Variants in CDH12 observed in about 807,000 individuals in gnomAD.
CDH12 encodes cadherin 12, also known as cadherin-12.
Under a neutral mutation model 74.1 loss-of-function variants are expected in CDH12, and 41 were observed. That is an observed-to-expected ratio of 0.55 (90% CI 0.43 to 0.72). The LOEUF is 0.72. CDH12 is among the 30% of genes least tolerant of loss of function. The pLI is 0.00. For synonymous variants in CDH12, 399 were observed against 355.0 expected, an observed-to-expected ratio of 1.12 and a Z score of -1.39; for missense variants, 945 against 977.2, an observed-to-expected ratio of 0.97 and a Z score of 0.44.
At chr5:22,451,789 T>C (rs1051281591) in intron 2 of CDH12, among the ~76,000 whole-genome samples, 3 of 151,968 alleles carry the variant, frequency 2.0e-5, no homozygotes, top group African/African-American at 7.2e-5. Flanking sequence ...TGTTGGCAGA[T>C]GGCATTATCT....
At chr5:22,536,431 G>A (rs1419674991) in intron 1 of CDH12, among the ~76,000 whole-genome samples, 1 of 152,076 alleles carries the variant, frequency 6.6e-6, no homozygotes, top group African/African-American at 2.4e-5. Context: ...TTGTGGTCGT[G>A]GTGGTGGTGA....
At chr5:22,013,760 A>G (rs1737433301) in intron 5 of CDH12, among the ~76,000 whole-genome samples, 1 of 152,200 alleles carries the variant, frequency 6.6e-6, no homozygotes, top group African/African-American at 2.4e-5. Flanking sequence ...ATTGATTTAG[A>G]TATAAATGAC....
intron 3 of CDH12, among the ~76,000 whole-genome samples, chr5:22,377,286 T>C (rs1741569415): frequency 6.6e-6 from 1 of 152,194 alleles, no homozygotes; most frequent in South Asian, 2.1e-4. Context: ...GTGTACGTAT[T>C]GGTTCAAGAA....
At chr5:22,735,924 A>G (rs569567132) in intron 1 of CDH12, among the ~76,000 whole-genome samples, 1 of 152,034 alleles carries the variant, frequency 6.6e-6, no homozygotes, top group East Asian at 1.9e-4. Context: ...GATTAATAAC[A>G]GAAGCACTAG....
intron 12 of CDH12, among the ~76,000 whole-genome samples, chr5:21,764,091 G>A (rs1744870687): frequency 6.6e-6 from 1 of 151,170 alleles, no homozygotes; most frequent in Admixed American, 6.6e-5. Context: ...TTTGTGTGTG[G>A]GGGCTGGGTG....
intron 6 of CDH12, among the ~76,000 whole-genome samples, chr5:21,931,291 T>C (rs1754823852): frequency 6.6e-6 from 1 of 152,112 alleles, no homozygotes; most frequent in African/African-American, 2.4e-5. Flanking sequence ...AAATAGAACA[T>C]TTCCTCACAC....
chr5:22,136,051 C>A (rs904008533), intron 4 of CDH12, among the ~76,000 whole-genome samples: 1 of 151,998 alleles, frequency 6.6e-6, no homozygotes, highest in African/African-American at 2.4e-5. Context: ...AGAAGAAAAT[C>A]TGACCCTGAA....
At chr5:22,199,506 G>A (rs1383603785) in intron 4 of CDH12, among the ~76,000 whole-genome samples, 1 of 152,150 alleles carries the variant, frequency 6.6e-6, no homozygotes, top group Non-Finnish European at 1.5e-5. Context: ...AAATTTTTGT[G>A]TTAACTGTTT....
intron 1 of CDH12, among the ~76,000 whole-genome samples, chr5:22,512,939 G>A (rs974822575): frequency 1.3e-5 from 2 of 151,962 alleles, no homozygotes; most frequent in Non-Finnish European, 2.9e-5. Flanking sequence ...GGCAGGTGCC[G>A]GTAACCCAGG....
At chr5:22,197,044 C>G (rs1303541710) in intron 4 of CDH12, among the ~76,000 whole-genome samples, 3 of 152,096 alleles carry the variant, frequency 2.0e-5, no homozygotes, top group Non-Finnish European at 2.9e-5. Context: ...ACTTCTACCC[C>G]TGAACTTAAA....
At chr5:22,668,276 T>A (rs1483396753) in intron 1 of CDH12, among the ~76,000 whole-genome samples, 2 of 152,186 alleles carry the variant, frequency 1.3e-5, no homozygotes, top group Non-Finnish European at 1.5e-5. Flanking sequence ...ATGGGTACAC[T>A]AGAAGCCCAA....
rs560590782 is a variant in CDH12, at chr5:22,705,271, T to G, written c.-523+147787A>C. Among the ~76,000 whole-genome samples, 22 of 151,952 alleles carry G rather than the reference T, an allele frequency of 1.4e-4. No individual in the cohort carries two copies. The South Asian group carries it at 2.5e-3, about 17-fold the overall frequency. ...TGAGATGCAGAGAGCTTACATTTCC[T>G]TGCTCAGGACTACAGAGTCAATGAA... On this transcript the variant is annotated intron_variant, in intron 1 of 14. Coordinates refer to ENST00000382254, the MANE Select transcript of CDH12 (RefSeq NM_004061.5).
intron 1 of CDH12, among the ~76,000 whole-genome samples, chr5:22,575,507 A>G (rs1739740473): frequency 6.6e-6 from 1 of 151,766 alleles, no homozygotes; most frequent in African/African-American, 2.4e-5. Flanking sequence ...ATCCTTCCAC[A>G]TCAGCCTCCC....
At chr5:22,113,754 TAC>T (rs1744943155) in intron 4 of CDH12, among the ~76,000 whole-genome samples, 1 of 152,282 alleles carries the variant, frequency 6.6e-6, no homozygotes, top group African/African-American at 2.4e-5. Flanking sequence ...TGACCAAAAA[TAC>T]AGTTATTCTA....
Position 22,676,233 on chromosome 5 carries a change from G to A in CDH12, c.-522-170869C>T, listed in dbSNP as rs529766886. ...TGCAATATGGCCAATAAATATTATT[G>A]AGGCAAAAGTCACCAGAAAATTAAA... is the stretch of plus-strand genomic sequence containing the variant. On this transcript the variant is annotated intron_variant, in intron 1 of 14. Coordinates refer to ENST00000382254, the MANE Select transcript of CDH12 (RefSeq NM_004061.5). 3.8e-4 allele frequency among the ~76,000 whole-genome samples: 57 copies of A among 151,098 alleles called. 1 individual carries two copies. The Middle Eastern group carries it at 0.027, about 72-fold the overall frequency.
At chr5:22,036,546 G>C (rs1211493450) in intron 5 of CDH12, among the ~76,000 whole-genome samples, 1 of 152,094 alleles carries the variant, frequency 6.6e-6, no homozygotes, top group Non-Finnish European at 1.5e-5. Context: ...GACTGTGCGT[G>C]TGTGTGTGAG....
chr5:22,103,320 T>TA (rs1416275464), intron 4 of CDH12, among the ~76,000 whole-genome samples: 1 of 121,296 alleles, frequency 8.2e-6, no homozygotes, highest in Non-Finnish European at 1.8e-5. Context: ...AGGTGAAAAA[T>TA]AGGTTAACAT....
At chr5:22,747,607 CAAAAAA>C (rs34948688) in intron 1 of CDH12, among the ~76,000 whole-genome samples, 1 of 110,882 alleles carries the variant, frequency 9.0e-6, no homozygotes, top group South Asian at 3.1e-4. Flanking sequence ...GAGACGCTGC[CAAAAAA>C]AAAAAAAAAA....
At chr5:22,493,205 T>G (rs1005405635) in intron 2 of CDH12, among the ~76,000 whole-genome samples, 4 of 152,218 alleles carry the variant, frequency 2.6e-5, no homozygotes, top group African/African-American at 9.6e-5. Context: ...CCAATCTGAA[T>G]TAAACTCCCA....
Sources: allele counts gnomAD v4.1 joint callset (sites outside exome capture counted in the v4.1 genomes callset), GRCh38; gene constraint gnomAD v4.1.1; transcripts MANE v1.5; gene names NCBI Gene and HGNC (gene_info 2026-07-23, HGNC 2026-07-21).